Variants in ALOXE3 observed in about 807,000 individuals in gnomAD.
ALOXE3 encodes arachidonate epidermal lipoxygenase 3, also known as hydroperoxide isomerase ALOXE3.
A neutral mutation model predicts 87.5 loss-of-function variants in ALOXE3; 78 were observed. The observed-to-expected ratio is 0.89, with a 90% CI of 0.74 to 1.08. ALOXE3 has a LOEUF of 1.08. ALOXE3 is among the 50% of genes least tolerant of loss of function. The pLI is 0.00. For synonymous variants in ALOXE3, 363 were observed against 370.8 expected (o/e 0.98, Z 0.24); for missense variants, 946 against 912.4 (o/e 1.04, Z -0.47).
At chr17:8,109,476 C>A (rs892692954) in intron 11 of ALOXE3, 133 bp from the exon 12 acceptor site, 2 of 1,218,274 alleles carry the variant, frequency 1.6e-6, no homozygotes, top group Non-Finnish European at 2.3e-6. Context: ...GATCAAATAC[C>A]CACGAGGGCC....
chr17:8,098,850 A>T (rs78058714), intron 15 of ALOXE3, among the ~76,000 whole-genome samples: 2,329 of 151,282 alleles, frequency 0.015, 63 homozygotes, highest in African/African-American at 0.053. Flanking sequence ...GTATATATAT[A>T]TTTTTTTCTT....
chr17:8,101,115 C>T (rs1227590539), intron 15 of ALOXE3, among the ~76,000 whole-genome samples: 1 of 151,670 alleles, frequency 6.6e-6, no homozygotes, highest in Non-Finnish European at 1.5e-5. Flanking sequence ...GCAACCTCTG[C>T]CTCCCGGGTT....
In ALOXE3 at chr17:8,118,506, C is replaced by A; in HGVS notation, c.-334G>T. 1.3e-6 allele frequency: 2 copies of A among 1,540,454 alleles called. No homozygotes were observed. Among genetic ancestry groups the A allele is most frequent in the South Asian group, 1.2e-5 (1 of 83,878 alleles). On this transcript the variant is annotated 5_prime_UTR_variant, in exon 1 of 16. It removes an upstream start codon present in the reference 5' UTR. Coordinates refer to ENST00000448843, the MANE Select transcript of ALOXE3 (RefSeq NM_021628.3). ...GGCACCTGCATTCCTACGTGTGAAT[C>A]ATCCGTGTGAATCACTAAACAGTGG...
In ALOXE3 at chr17:8,112,091, A is replaced by G. The variant is rs780947567; in HGVS notation, c.784+2T>C. On this transcript the variant is annotated splice_donor_variant, in intron 7 of 15. Transcript: ENST00000448843. LOFTEE classifies it high-confidence loss of function. ...AGACATCTCCTGCCTGGCTCTGCTC[A>G]CTTGTCGTGAAGGTCTTATGGCACC... is the stretch of plus-strand genomic sequence containing the variant. The G allele has an allele frequency of 1.2e-6, 2 of 1,613,652 alleles. No individual in the cohort carries two copies. The highest frequency in any genetic ancestry group is 1.3e-5 in the African/African-American group (1 of 75,012).
intron 3 of ALOXE3, among the ~76,000 whole-genome samples, chr17:8,116,364 A>G (rs1318528922): frequency 6.6e-6 from 1 of 152,102 alleles, no homozygotes; most frequent in Admixed American, 6.5e-5. Context: ...GTAGTAGGGG[A>G]GGGAATGGGG....
rs1980728763 is a variant in ALOXE3 at position 8,117,789 on chromosome 17, C to T, written c.147+55G>A. 6.8e-5 allele frequency: 108 copies of T among 1,582,338 alleles called. No homozygotes were observed. The South Asian group carries it at 1.1e-3, about 17-fold the overall frequency. On this transcript the variant is annotated intron_variant, in intron 2 of 15. Coordinates refer to ENST00000448843, the MANE Select transcript of ALOXE3 (RefSeq NM_021628.3). ...AAGAGTCCAGGAGGAATACTCCTCC[C>T]GCCTGCGGCCCCTGCCCCTCTGAGG...
intron 14 of ALOXE3, 91 bp downstream of exon 14, chr17:8,104,024 A>G (rs1048345878): frequency 1.1e-5 from 12 of 1,132,198 alleles, no homozygotes; most frequent in Non-Finnish European, 1.6e-5. Flanking sequence ...ACCCACCCCA[A>G]CGCTGACCCA....
intron 12 of ALOXE3, 82 bp from the exon 13 acceptor site, chr17:8,108,671 G>C: frequency 6.4e-7 from 1 of 1,573,576 alleles, no homozygotes; most frequent in Admixed American, 1.7e-5. Context: ...TGCTGCTCAG[G>C]CGGCAGAGAG....
intron 4 of ALOXE3, 50 bp downstream of exon 4, chr17:8,115,557 C>T (rs1980508922): frequency 1.3e-6 from 2 of 1,540,384 alleles, no homozygotes; most frequent in Non-Finnish European, 1.8e-6. Flanking sequence ...CTGATTAAGA[C>T]TGAGGTCAGG....
In ALOXE3 at chr17:8,103,506, C is replaced by G; in HGVS notation, c.1786-13G>C. On this transcript the variant is annotated splice_polypyrimidine_tract_variant and intron_variant, in intron 14 of 15. Transcript: ENST00000448843. ...CCCCAAAGTCATGCTGTGGAGACCC[C>G]CATCCCAGTTGGGTCAGTTGGCCAG... The G allele has an allele frequency of 6.2e-7, 1 of 1,613,628 alleles. No homozygotes were observed. Among genetic ancestry groups the G allele is most frequent in the Non-Finnish European group, 8.5e-7 (1 of 1,179,876 alleles).
intron 13 of ALOXE3, among the ~76,000 whole-genome samples, chr17:8,105,914 CAAAAAAAA>C (rs1164518718): frequency 2.3e-5 from 1 of 43,148 alleles, no homozygotes; most frequent in Non-Finnish European, 4.0e-5. Flanking sequence ...GACCCCGCCT[CAAAAAAAA>C]AAAAAAAAAA....
rs1329632732 is a variant in ALOXE3 at position 8,107,942 on chromosome 17, AAAGAAAGAAAGAAAGAAAGGAAG to A, written c.1684+503_1684+525del. 3.3e-3 allele frequency among the ~76,000 whole-genome samples: 16 copies of A among 4,862 alleles called. 2 individuals are homozygous for A. Among genetic ancestry groups the A allele is most frequent in the Admixed American group, 0.011 (6 of 546 alleles). The allele number at this position is 4,862 out of a possible 152,430, so 3.2% of individuals were successfully genotyped here. ...GAAAGAAAGAAAGAAAGAAAGAAAG[AAAGAAAGAAAGAAAGAAAGGAAG>A]GAGAGAGAGAGAGAGAGAAAGAAAG... On this transcript the variant is annotated intron_variant, in intron 13 of 15. Transcript: ENST00000448843.
At position 8,113,893 on chromosome 17, in the gene ALOXE3, C is replaced by CTT. The variant is rs1980327852; in HGVS notation, c.680+590_680+591insAA. Reference sequence around the variant, plus strand: ...AATACAAAATTAGCCGGCATGGTGGCACCTGCCTGTAGTCCCAGCTACTCA... The same window carrying CTT: ...AATACAAAATTAGCCGGCATGGTGGCTTACCTGCCTGTAGTCCCAGCTACTCA... On this transcript the variant is annotated intron_variant, in intron 6 of 15. Coordinates refer to ENST00000448843, the MANE Select transcript of ALOXE3 (RefSeq NM_021628.3). 4.6e-5 allele frequency among the ~76,000 whole-genome samples: 7 copies of CTT among 151,344 alleles called. No homozygotes were observed. In the South Asian group the frequency reaches 1.5e-3, roughly 32 times the overall value.
At position 8,118,112 on chromosome 17, in the gene ALOXE3, G is replaced by A. The variant is rs1348717948; in HGVS notation, c.-122C>T. On this transcript the variant is annotated 5_prime_UTR_variant, in exon 2 of 16. Transcript: ENST00000448843. ...GCGGAGGGCTAGGGGCTGCGGGGCT[G>A]GGTAGGGCTGAGGATGGGCCCAGCT... The A allele has an allele frequency of 1.9e-6, 3 of 1,552,664 alleles. No individual in the cohort carries two copies. The highest frequency in any genetic ancestry group is 2.6e-6 in the Non-Finnish European group (3 of 1,148,184).
chr17:8,104,904 T>C (rs1345341962), intron 13 of ALOXE3, among the ~76,000 whole-genome samples: 1 of 152,152 alleles, frequency 6.6e-6, no homozygotes, highest in Non-Finnish European at 1.5e-5. Context: ...CTCACTCATC[T>C]CATCCAAGTC....
In ALOXE3 at chr17:8,118,482, G is replaced by C; in HGVS notation, c.-314+4C>G. On this transcript the variant is annotated splice_donor_region_variant and intron_variant, in intron 1 of 15. Transcript: ENST00000448843. ...ATTCCCAGGCAGAGATGAGCACAGG[G>C]CACCTGCATTCCTACGTGTGAATCA... The C allele has an allele frequency of 6.5e-7, 1 of 1,546,354 alleles. No individual in the cohort carries two copies. Among genetic ancestry groups the C allele is most frequent in the Non-Finnish European group, 8.7e-7 (1 of 1,146,216 alleles).
intron 11 of ALOXE3, 80 bp from the exon 12 acceptor site, chr17:8,109,423 T>C: frequency 1.3e-6 from 2 of 1,565,922 alleles, no homozygotes; most frequent in East Asian, 2.3e-5. Flanking sequence ...GGCTGGGGAC[T>C]CGGCCCAAGG....
rs754492351 is a variant in ALOXE3 at position 8,110,360 on chromosome 17, C to A, written c.1101+25G>T. ...TGGCGGTTAGCACCTGAGCCCCCATCCCGGGGCGGCGGCGCCGGGCTCACC... is the reference window on the plus strand; with the variant it reads ...TGGCGGTTAGCACCTGAGCCCCCATACCGGGGCGGCGGCGCCGGGCTCACC... On this transcript the variant is annotated intron_variant, in intron 9 of 15. Coordinates refer to ENST00000448843, the MANE Select transcript of ALOXE3 (RefSeq NM_021628.3). The A allele has an allele frequency of 2.5e-6, 4 of 1,604,940 alleles. No individual in the cohort carries two copies. In the African/African-American group the frequency reaches 5.4e-5, roughly 22 times the overall value.
intron 2 of ALOXE3, 28 bp downstream of exon 2, chr17:8,117,816 C>T (rs745698357): frequency 2.4e-5 from 38 of 1,605,352 alleles, no homozygotes; most frequent in Non-Finnish European, 2.9e-5. Flanking sequence ...CCTCTGAGGT[C>T]GCGCTTCCCT....
Sources: gnomAD v4.1 joint callset for allele counts (sites outside exome capture counted in the v4.1 genomes callset) on GRCh38, gnomAD v4.1.1 for gene constraint, MANE v1.5 for transcripts, NCBI Gene and HGNC (gene_info 2026-07-23, HGNC 2026-07-21) for gene names.